The following NHLRC2 variants were observed in gnomAD, a reference collection of about 807,000 sequenced individuals.
NHLRC2 encodes NHL repeat-containing protein 2.
A neutral mutation model predicts 68.1 loss-of-function variants in NHLRC2; 33 were observed. The ratio of observed to expected loss-of-function variants is 0.48; its 90% CI spans 0.37 to 0.65. The LOEUF is 0.65. Ranked by LOEUF, NHLRC2 falls within the 30% of genes least tolerant of loss-of-function variation. The probability of loss-of-function intolerance (pLI) is 0.00; values close to 1 mark genes in which losing one functional copy is unlikely to be tolerated. For missense variants in NHLRC2, 761 were observed against 853.8 expected (o/e 0.89, Z 1.35); for synonymous variants, 311 against 309.6 (o/e 1.00, Z -0.05).
intron 5 of NHLRC2, among the ~76,000 whole-genome samples, chr10:113,891,104 G>A (rs964460664): frequency 7.2e-5 from 11 of 152,136 alleles, no homozygotes; most frequent in Admixed American, 2.6e-4. Flanking sequence ...ATTACAATTC[G>A]AGATGAGATT....
chr10:113,865,680 C>T (rs1019226800), intron 2 of NHLRC2, among the ~76,000 whole-genome samples: 3 of 148,322 alleles, frequency 2.0e-5, no homozygotes, highest in African/African-American at 5.0e-5. Context: ...AATTTTTAAC[C>T]ATTAAAAAAT....
At chr10:113,873,704 G>C (rs774444114) in intron 2 of NHLRC2, among the ~76,000 whole-genome samples, 8 of 152,096 alleles carry the variant, frequency 5.3e-5, no homozygotes, top group Non-Finnish European at 1.2e-4. Flanking sequence ...AGAGAACAAG[G>C]GCAAACCAGA....
intron 3 of NHLRC2, among the ~76,000 whole-genome samples, chr10:113,877,238 ATATTC>A (rs1397692745): frequency 6.6e-6 from 1 of 151,600 alleles, no homozygotes; most frequent in Non-Finnish European, 1.5e-5. Context: ...GTATATTTGT[ATATTC>A]TATCTTTTTT....
rs1284973056 is a variant in NHLRC2 at position 113,908,830 on chromosome 10, T to C, written c.*294T>C. On this transcript the variant is annotated 3_prime_UTR_variant, in exon 11 of 11. Coordinates refer to ENST00000369301, the MANE Select transcript of NHLRC2 (RefSeq NM_198514.4). ...CTGAAGTTCACACTACAGTAGAGAA[T>C]ACTATAAGATAATTTGCAATAAATA... The C allele has an allele frequency of 3.4e-6, 1 of 292,886 alleles. No individual in the cohort carries two copies. The highest frequency in any genetic ancestry group is 6.4e-6 in the Non-Finnish European group (1 of 156,920). 18.1% of individuals were successfully genotyped at this position (292,886 alleles called of 1,614,324 possible).
intron 5 of NHLRC2, among the ~76,000 whole-genome samples, chr10:113,896,205 A>G (rs534293731): frequency 6.6e-6 from 1 of 152,244 alleles, no homozygotes; most frequent in Non-Finnish European, 1.5e-5. Context: ...TACTATAAAG[A>G]CACATGCACG....
chr10:113,888,922 G>T (rs557909389), intron 5 of NHLRC2, among the ~76,000 whole-genome samples: 17 of 151,640 alleles, frequency 1.1e-4, no homozygotes, highest in African/African-American at 3.4e-4. Flanking sequence ...TGCCTGTCGG[G>T]TTCAAGCAAT....
intron 2 of NHLRC2, among the ~76,000 whole-genome samples, chr10:113,870,843 G>A (rs1043719675): frequency 6.6e-6 from 1 of 152,072 alleles, no homozygotes; most frequent in Non-Finnish European, 1.5e-5. Context: ...TAGATAGGAA[G>A]TGGTATCTTG....
rs923004822 is a variant in NHLRC2, at chr10:113,912,212, A to G, written c.*3676A>G. 7 of 152,168 alleles carry G rather than the reference A, an allele frequency of 4.6e-5. No individual in the cohort carries two copies. The highest frequency in any genetic ancestry group is 7.3e-5 in the Non-Finnish European group (5 of 68,028). The allele number at this position is 152,168 out of a possible 1,614,324, so 9.4% of individuals were successfully genotyped here. On this transcript the variant is annotated 3_prime_UTR_variant, in exon 11 of 11. Transcript: ENST00000369301. ...GGCTGATATACCTGCCTCATATTCA[A>G]TGAAATATTGTGTGTACAGCACTTA... is the stretch of plus-strand genomic sequence containing the variant.
At chr10:113,866,702 A>G (rs1005454018) in intron 2 of NHLRC2, among the ~76,000 whole-genome samples, 3 of 151,910 alleles carry the variant, frequency 2.0e-5, no homozygotes, top group Non-Finnish European at 4.4e-5. Flanking sequence ...ATATAATTTC[A>G]CTTTGTGTCA....
rs1472616642 is a variant in NHLRC2, at chr10:113,909,372, A to AGG, written c.*836_*837insGG. The AGG allele has an allele frequency of 6.6e-6, 1 of 152,150 alleles. No individual in the cohort carries two copies. The highest frequency in any genetic ancestry group is 1.5e-5 in the Non-Finnish European group (1 of 68,006). 9.4% of individuals were successfully genotyped at this position (152,150 alleles called of 1,614,324 possible). The stretch of plus-strand genomic sequence containing the variant: ...ATAAATAATTTATTGTGACAGCTAA[A>AGG]TCTGATGGTTACATATCTTGTTTTG... On this transcript the variant is annotated 3_prime_UTR_variant, in exon 11 of 11. Coordinates refer to ENST00000369301, the MANE Select transcript of NHLRC2 (RefSeq NM_198514.4).
intron 2 of NHLRC2, among the ~76,000 whole-genome samples, chr10:113,868,602 C>A (rs920144972): frequency 6.6e-6 from 1 of 152,114 alleles, no homozygotes; most frequent in Non-Finnish European, 1.5e-5. Flanking sequence ...TTCCTACTTA[C>A]GTACTAGGCA....
At chr10:113,884,704 C>T (rs917582128) in intron 5 of NHLRC2, among the ~76,000 whole-genome samples, 2 of 151,036 alleles carry the variant, frequency 1.3e-5, no homozygotes, top group Non-Finnish European at 3.0e-5. Flanking sequence ...ATCAGAACTT[C>T]AAAAGGTTAT....
chr10:113,884,298 T>A lies in NHLRC2; in HGVS notation c.957T>A (p.Ile319=), dbSNP rs748590377. The part of the protein sequence containing the change: ...EKVSTVAGIG[I]QGTDKEGGAK... ...TGAGCACTGTAGCTGGTATTGGAAT[T>A]CAAGGTACAGATAAAGAAGGTGGAG... The change falls in exon 5 of 11, where the codon ATT becomes ATA. Residue 319 remains isoleucine (I), a synonymous_variant. Transcript: ENST00000369301. 1.2e-6 allele frequency: 2 copies of A among 1,610,208 alleles called. No individual in the cohort carries two copies. Among genetic ancestry groups the A allele is most frequent in the Non-Finnish European group, 1.7e-6 (2 of 1,177,106 alleles).
In NHLRC2 at chr10:113,896,993, C is replaced by CAA. The variant is rs1166918337; in HGVS notation, c.1040-1101_1040-1100dup. 9.0e-3 allele frequency among the ~76,000 whole-genome samples: 657 copies of CAA among 73,338 alleles called. 7 individuals are homozygous for CAA. Among genetic ancestry groups the CAA allele is most frequent in the African/African-American group, 0.031 (609 of 19,672 alleles). 48.1% of individuals were successfully genotyped at this position (73,338 alleles called of 152,430 possible). On this transcript the variant is annotated intron_variant, in intron 5 of 10. Coordinates refer to ENST00000369301, the MANE Select transcript of NHLRC2 (RefSeq NM_198514.4). The stretch of plus-strand genomic sequence containing the variant: ...TGGGGGACGGAGTGAGACTCCGCCT[C>CAA]AAAAAAAAAAAAAAAAATTTTGAAC...
At position 113,854,807 on chromosome 10, in the gene NHLRC2, C is replaced by T. The variant is rs534267400; in HGVS notation, c.-66C>T. 1.5e-6 allele frequency: 2 copies of T among 1,376,908 alleles called. No homozygotes were observed. Among genetic ancestry groups the T allele is most frequent in the Admixed American group, 2.4e-5 (1 of 41,186 alleles). The allele number at this position is 1,376,908 out of a possible 1,614,324, so 85.3% of individuals were successfully genotyped here. A position where few individuals can be genotyped will look rare whatever the true frequency, so the allele number is the denominator to read the frequency against. ...CGTTTGGAAACCACAGGACAGTGAA[C>T]GTTTCGTCTCTCCCAGCGAGACTCT... On this transcript the variant is annotated 5_prime_UTR_variant, in exon 1 of 11. It adds an upstream start codon to the 5' untranslated region. Transcript: ENST00000369301.
intron 5 of NHLRC2, among the ~76,000 whole-genome samples, chr10:113,890,832 T>G (rs1846123900): frequency 6.6e-6 from 1 of 152,126 alleles, no homozygotes; most frequent in Non-Finnish European, 1.5e-5. Context: ...GAAAGGAGGT[T>G]TAATTAACTC....
At position 113,915,486 on chromosome 10, in the gene NHLRC2, A is replaced by G. The variant is rs1043706887; in HGVS notation, c.*6950A>G. On this transcript the variant is annotated 3_prime_UTR_variant, in exon 11 of 11. Coordinates refer to ENST00000369301, the MANE Select transcript of NHLRC2 (RefSeq NM_198514.4). ...ACTTCCAAGTGTGAATAATACGGAC[A>G]TAGTTTACTACCTTTTGCTTTTAAT... is the stretch of plus-strand genomic sequence containing the variant. 1.8e-5 allele frequency: 6 copies of G among 329,494 alleles called. No homozygotes were observed. Among genetic ancestry groups the G allele is most frequent in the Non-Finnish European group, 3.0e-5 (5 of 169,026 alleles). The allele number at this position is 329,494 out of a possible 1,614,324, so 20.4% of individuals were successfully genotyped here.
chr10:113,880,034 G>GA (rs570456310), intron 4 of NHLRC2, among the ~76,000 whole-genome samples: 1 of 151,642 alleles, frequency 6.6e-6, no homozygotes, highest in South Asian at 2.1e-4. Flanking sequence ...TCTCAAACTA[G>GA]AAAAAAAATC....
chr10:113,874,391 G>A (rs1326431130), intron 2 of NHLRC2, among the ~76,000 whole-genome samples: 1 of 150,084 alleles, frequency 6.7e-6, no homozygotes, highest in Non-Finnish European at 1.5e-5. Flanking sequence ...CATCCCCCAG[G>A]CAACCATTCC....
Sources: gnomAD v4.1 joint callset for allele counts (sites outside exome capture counted in the v4.1 genomes callset) on GRCh38, gnomAD v4.1.1 for gene constraint, MANE v1.5 for transcripts, NCBI Gene and HGNC (gene_info 2026-07-23, HGNC 2026-07-21) for gene names.